The following FFAR2 variants were observed in gnomAD, a reference collection of about 807,000 sequenced individuals.
The protein encoded by FFAR2 is free fatty acid receptor 2.
For missense variants in FFAR2, 421 were observed against 428.9 expected, an observed-to-expected ratio of 0.98 and a Z score of 0.16; for synonymous variants, 193 against 189.9, an observed-to-expected ratio of 1.02 and a Z score of -0.13.
intron 1 of FFAR2, among the ~76,000 whole-genome samples, chr19:35,449,009 G>A (rs1222440114): frequency 2.0e-5 from 3 of 151,148 alleles, no homozygotes; most frequent in African/African-American, 7.3e-5. Context: ...TCACCACGTT[G>A]GCCAGGCTTG....
In FFAR2 at chr19:35,450,157, A is replaced by T; in HGVS notation, c.443A>T (p.Gln148Leu). The change falls in exon 2 of 2, where the codon CAA becomes CTA. Residue 148 changes from glutamine (Q) to leucine (L), a missense_variant. Physicochemically the swap from Gln to Leu is moderately radical, Grantham distance 113 (BLOSUM62 -2). Transcript: ENST00000599180. ...FGHCTIVIIV[Q>L]YLNTTEQVRS... Reference sequence around the variant, plus strand: ...CACTGCACCATCGTGATCATCGTTCAATACTTGAACACGACTGAGCAGGTC... The same window carrying T: ...CACTGCACCATCGTGATCATCGTTCTATACTTGAACACGACTGAGCAGGTC... 1 of 1,614,204 alleles carries T rather than the reference A, an allele frequency of 6.2e-7. No homozygotes were observed. The highest frequency in any genetic ancestry group is 8.5e-7 in the Non-Finnish European group (1 of 1,180,040).
chr19:35,448,571 C>G (rs1413780101), intron 1 of FFAR2, among the ~76,000 whole-genome samples, 192 bp downstream of exon 1: 1 of 152,114 alleles, frequency 6.6e-6, no homozygotes, highest in East Asian at 1.9e-4. Flanking sequence ...GGGACAGGAC[C>G]TGGGTTGGGG....
chr19:35,449,639 C>T, intron 1 of FFAR2, 75 bp from the exon 2 acceptor site: 2 of 1,466,994 alleles, frequency 1.4e-6, no homozygotes, highest in Non-Finnish European at 1.8e-6. Flanking sequence ...AGGATGTCCG[C>T]ATCCTGAAGG....
At position 35,450,125 on chromosome 19, in the gene FFAR2, C is replaced by T. The variant is rs1343892615; in HGVS notation, c.411C>T (p.Ser137=). The part of the protein sequence containing the change: ...VIAALVAWVM[S]FGHCTIVIIV... ...CAGCTCTGGTGGCCTGGGTTATGTCCTTTGGTCACTGCACCATCGTGATCA... is the reference window on the plus strand; with the variant it reads ...CAGCTCTGGTGGCCTGGGTTATGTCTTTTGGTCACTGCACCATCGTGATCA... The change falls in exon 2 of 2, where the codon TCC becomes TCT. Residue 137 remains serine, a synonymous_variant. Coordinates refer to ENST00000599180, the MANE Select transcript of FFAR2 (RefSeq NM_001370087.1). 5.0e-6 allele frequency: 8 copies of T among 1,614,200 alleles called. No homozygotes were observed. The highest frequency in any genetic ancestry group is 5.9e-6 in the Non-Finnish European group (7 of 1,180,036).
At chr19:35,448,841 C>T (rs989857756) in intron 1 of FFAR2, among the ~76,000 whole-genome samples, 4 of 149,876 alleles carry the variant, frequency 2.7e-5, no homozygotes, top group Non-Finnish European at 4.4e-5. Flanking sequence ...TTTGCTCTTA[C>T]CGCCCAGGGT....
At position 35,450,229 on chromosome 19, in the gene FFAR2, A is replaced by G. The variant is rs1475389783; in HGVS notation, c.515A>G (p.Gln172Arg). 1.2e-6 allele frequency: 2 copies of G among 1,614,078 alleles called. No individual in the cohort carries two copies. The highest frequency in any genetic ancestry group is 8.5e-7 in the Non-Finnish European group (1 of 1,180,050). The change falls in exon 2 of 2, where the codon CAG becomes CGG. Residue 172 changes from glutamine (Q) to arginine (R), a missense_variant. Transcript: ENST00000599180. ...TGCTACGAGAACTTCACCGATAACC[A>G]GTTGGACGTGGTGCTGCCCGTGCGG... ...ITCYENFTDNQLDVVLPVRLE... is the reference protein window; with the variant it reads ...ITCYENFTDNRLDVVLPVRLE...
At position 35,451,442 on chromosome 19, in the gene FFAR2, A is replaced by G. The variant is rs986744140; in HGVS notation, c.*735A>G. The G allele has an allele frequency of 6.6e-6, 1 of 152,216 alleles. No individual in the cohort carries two copies. Among genetic ancestry groups the G allele is most frequent in the Non-Finnish European group, 1.5e-5 (1 of 68,086 alleles). The allele number at this position is 152,216 out of a possible 1,614,324, so 9.4% of individuals were successfully genotyped here. ...AAGAGAGAGATGGAAGAGAAATACT[A>G]AATGAGGTCAAAGAAGACTCAGAAA... On this transcript the variant is annotated 3_prime_UTR_variant, in exon 2 of 2. Transcript: ENST00000599180.
In FFAR2 at chr19:35,450,664, G is replaced by T. The variant is rs1301039399; in HGVS notation, c.950G>T (p.Gly317Val). ...GGGACAAATGAGGACAGGGGTGTGGGTCAAGGAGAAGGGATGCCAAGTTCG... is the reference window on the plus strand; with the variant it reads ...GGGACAAATGAGGACAGGGGTGTGGTTCAAGGAGAAGGGATGCCAAGTTCG... The part of the protein sequence containing the change: ...AEGTNEDRGV[G>V]QGEGMPSSDF... The change falls in exon 2 of 2, where the codon GGT becomes GTT. Residue 317 changes from glycine (G) to valine (V), a missense_variant. Physicochemically the swap from Gly to Val is moderately radical, Grantham distance 109. Transcript: ENST00000599180. 4 of 1,614,024 alleles carry T rather than the reference G, an allele frequency of 2.5e-6. No individual in the cohort carries two copies. Among genetic ancestry groups the T allele is most frequent in the East Asian group, 4.5e-5 (2 of 44,888 alleles).
chr19:35,451,074 A>G lies in FFAR2; in HGVS notation c.*367A>G. 1 of 197,044 alleles carries G rather than the reference A, an allele frequency of 5.1e-6. No homozygotes were observed. The highest frequency in any genetic ancestry group is 1.1e-5 in the Non-Finnish European group (1 of 93,598). The allele number at this position is 197,044 out of a possible 1,614,324, so 12.2% of individuals were successfully genotyped here. A position where few individuals can be genotyped will look rare whatever the true frequency, so the allele number is the denominator to read the frequency against. ...CCGTCTCTACTAAAAATACAAAAAA[A>G]TTAGCTGGGCATGGTGGCACATGCC... On this transcript the variant is annotated 3_prime_UTR_variant, in exon 2 of 2. Transcript: ENST00000599180.
Position 35,449,710 on chromosome 19 carries a change from C to G in FFAR2, c.-1-4C>G, listed in dbSNP as rs140536066. 1,401 of 1,538,262 alleles carry G rather than the reference C, an allele frequency of 9.1e-4. 10 individuals carry two copies. In the African/African-American group the frequency reaches 0.017, roughly 19 times the overall value. On this transcript the variant is annotated splice_polypyrimidine_tract_variant and splice_region_variant and intron_variant, in intron 1 of 1. Transcript: ENST00000599180. ...TGACCCCGCCCTTTTTTGTTCCCCTCCAGGATGCTGCCGGACTGGAAGAGC... is the reference window on the plus strand; with the variant it reads ...TGACCCCGCCCTTTTTTGTTCCCCTGCAGGATGCTGCCGGACTGGAAGAGC...
chr19:35,450,776 A>G lies in FFAR2; in HGVS notation c.*69A>G. On this transcript the variant is annotated 3_prime_UTR_variant, in exon 2 of 2. Transcript: ENST00000599180. The stretch of plus-strand genomic sequence containing the variant: ...CTGGGAAGCCTGGGAGAGGCGGAGC[A>G]GGAAGGCTCCCATCCAGATTCAGAA... The G allele has an allele frequency of 6.7e-7, 1 of 1,486,632 alleles. No homozygotes were observed. The highest frequency in any genetic ancestry group is 9.1e-7 in the Non-Finnish European group (1 of 1,101,174). 92.1% of individuals were successfully genotyped at this position (1,486,632 alleles called of 1,614,324 possible).
chr19:35,449,575 G>A, intron 1 of FFAR2, 139 bp from the exon 2 acceptor site: 1 of 840,680 alleles, frequency 1.2e-6, no homozygotes, highest in South Asian at 1.9e-5. Context: ...GGTGGTGTGA[G>A]CAAGCCGTGG....
Position 35,450,442 on chromosome 19 carries a change from TG to T in FFAR2, c.730del (p.Val244TrpfsTer14). 1 of 1,614,262 alleles carries T rather than the reference TG, an allele frequency of 6.2e-7. No homozygotes were observed. Among genetic ancestry groups the T allele is most frequent in the South Asian group, 1.1e-5 (1 of 91,088 alleles). On this transcript the variant is annotated frameshift_variant, in exon 2 of 2. Transcript: ENST00000599180. LOFTEE classifies it low-confidence loss of function (END_TRUNC). Reference protein sequence around the residue: ...VCFGPYNVSHLVGYHQRKSPW... With the variant: ...VCFGPYNVSHXVGYHQRKSPW... ...TTCGGACCTTACAACGTGTCCCACC[TG>T]GTGGGGTATCACCAGAGAAAAAGCC...
In FFAR2 at chr19:35,450,107, G is replaced by C. The variant is rs756594850; in HGVS notation, c.393G>C (p.Leu131=). Residue 131 remains leucine, a synonymous_variant, in exon 2 of 2, where the codon CTG becomes CTC. Coordinates refer to ENST00000599180, the MANE Select transcript of FFAR2 (RefSeq NM_001370087.1). ...CTCTGTATGGAGTGATTGCAGCTCT[G>C]GTGGCCTGGGTTATGTCCTTTGGTC... ...RRPLYGVIAA[L]VAWVMSFGHC... is the part of the protein sequence containing the mutation. 67 of 1,614,060 alleles carry C rather than the reference G, an allele frequency of 4.2e-5. No homozygotes were observed. Among genetic ancestry groups the C allele is most frequent in the Non-Finnish European group, 5.7e-5 (67 of 1,180,038 alleles).
Position 35,449,855 on chromosome 19 carries a change from C to T in FFAR2, c.141C>T (p.Leu47=). The T allele has an allele frequency of 6.2e-7, 1 of 1,613,658 alleles. No homozygotes were observed. Residue 47 remains leucine (L), a synonymous_variant, in exon 2 of 2, where the codon CTC becomes CTT. Coordinates refer to ENST00000599180, the MANE Select transcript of FFAR2 (RefSeq NM_001370087.1). The part of the protein sequence containing the change: ...RQPQPAPVHI[L]LLSLTLADLL... ...CCCAGCCTGCACCTGTGCACATCCT[C>T]CTGCTGAGCCTGACGCTGGCCGACC...
chr19:35,450,742 A>T lies in FFAR2; in HGVS notation c.*35A>T. 6 of 1,584,470 alleles carry T rather than the reference A, an allele frequency of 3.8e-6. No homozygotes were observed. Among genetic ancestry groups the T allele is most frequent in the Non-Finnish European group, 5.2e-6 (6 of 1,162,684 alleles). ...TGGACCTTCAGAGGTCGCCTGGGTT[A>T]CACAGGAGCTGGGAAGCCTGGGAGA... On this transcript the variant is annotated 3_prime_UTR_variant, in exon 2 of 2. Transcript: ENST00000599180.
In FFAR2 at chr19:35,449,876, C is replaced by G. The variant is rs772089452; in HGVS notation, c.162C>G (p.Ala54=). The part of the protein sequence containing the change: ...VHILLLSLTL[A]DLLLLLLLPF... ...TCCTCCTGCTGAGCCTGACGCTGGC[C>G]GACCTCCTCCTGCTGCTGCTGCTGC... Residue 54 remains alanine, a synonymous_variant, in exon 2 of 2, where the codon GCC becomes GCG. Transcript: ENST00000599180. 6.2e-7 allele frequency: 1 copy of G among 1,613,132 alleles called. No individual in the cohort carries two copies. The highest frequency in any genetic ancestry group is 2.2e-5 in the East Asian group (1 of 44,874).
intron 1 of FFAR2, 133 bp from the exon 2 acceptor site, chr19:35,449,581 C>T (rs569034710): frequency 5.6e-6 from 5 of 892,764 alleles, no homozygotes; most frequent in Admixed American, 2.9e-5. Flanking sequence ...GTGAGCAAGC[C>T]GTGGTGGCAT....
At position 35,450,057 on chromosome 19, in the gene FFAR2, G is replaced by A. The variant is rs774217360; in HGVS notation, c.343G>A (p.Val115Met). 1.2e-5 allele frequency: 20 copies of A among 1,614,072 alleles called. No homozygotes were observed. The highest frequency in any genetic ancestry group is 6.7e-5 in the East Asian group (3 of 44,892). The change falls in exon 2 of 2, where the codon GTG (valine) becomes ATG (methionine). Residue 115 changes from valine (V) to methionine (M), a missense_variant. Val to Met is a conservative substitution (Grantham distance 21). Coordinates refer to ENST00000599180, the MANE Select transcript of FFAR2 (RefSeq NM_001370087.1). ...IERYLGVAFPVQYKLSRRPLY... is the reference protein window; with the variant it reads ...IERYLGVAFPMQYKLSRRPLY... Reference sequence around the variant, plus strand: ...GCGCTACCTGGGAGTGGCTTTCCCCGTGCAGTACAAGCTCTCCCGCCGGCC... The same window carrying A: ...GCGCTACCTGGGAGTGGCTTTCCCCATGCAGTACAAGCTCTCCCGCCGGCC...
Sources: gnomAD v4.1 joint callset for allele counts (sites outside exome capture counted in the v4.1 genomes callset) on GRCh38, gnomAD v4.1.1 for gene constraint, MANE v1.5 for transcripts, NCBI Gene and HGNC (gene_info 2026-07-23, HGNC 2026-07-21) for gene names.